FBXL4: variants seen among roughly 807,000 people sequenced by gnomAD.
FBXL4 encodes the protein F-box/LRR-repeat protein 4.
FBXL4 carries 40 observed loss-of-function variants against 58.9 expected under a neutral mutation model. The ratio of observed to expected loss-of-function variants is 0.68; its 90% CI spans 0.53 to 0.88. The LOEUF (loss-of-function observed/expected upper bound fraction) is 0.88. Among genes scored for constraint, FBXL4 ranks in the 40% least tolerant of loss-of-function variants. FBXL4 has a pLI of 0.00. For missense variants in FBXL4, 676 were observed against 734.4 expected, an observed-to-expected ratio of 0.92 and a Z score of 0.92; for synonymous variants, 263 against 265.5, an observed-to-expected ratio of 0.99 and a Z score of 0.09.
chr6:98,935,091 A>G (rs1424400957), intron 1 of FBXL4, among the ~76,000 whole-genome samples: 1 of 152,226 alleles, frequency 6.6e-6, no homozygotes, highest in Non-Finnish European at 1.5e-5. Flanking sequence ...ATCAGAAAAC[A>G]AGAGATAAGA....
chr6:98,926,403 T>C, intron 4 of FBXL4, 74 bp downstream of exon 4: 4 of 1,428,320 alleles, frequency 2.8e-6, no homozygotes, highest in Non-Finnish European at 3.8e-6. Flanking sequence ...ATGCTTGCAA[T>C]AAAAAAGATC....
intron 2 of FBXL4, among the ~76,000 whole-genome samples, chr6:98,933,329 CT>C (rs1331962515): frequency 1.3e-5 from 2 of 152,154 alleles, no homozygotes; most frequent in African/African-American, 4.8e-5. Context: ...TAAAGGAAGG[CT>C]GTCTTTTTGA....
chr6:98,898,417 G>C, intron 7 of FBXL4: 1 of 985,176 alleles, frequency 1.0e-6, no homozygotes, highest in South Asian at 4.7e-5. Flanking sequence ...CCATGCACAG[G>C]CTCATGGTGA....
At chr6:98,885,695 T>C (rs1459321108) in intron 7 of FBXL4, among the ~76,000 whole-genome samples, 1 of 152,230 alleles carries the variant, frequency 6.6e-6, no homozygotes, top group African/African-American at 2.4e-5. Context: ...AGACTACAAC[T>C]ACACTATCAG....
Position 98,888,088 on chromosome 6 carries a change from C to T in FBXL4, c.1318-7464G>A, listed in dbSNP as rs536872302. ...ATGTCAAAGCAAAGAGAATAAACTA[C>T]GGAGAAATTAACTCTTCATTTCCAG... On this transcript the variant is annotated intron_variant, in intron 7 of 9. Coordinates refer to ENST00000369244, the MANE Select transcript of FBXL4 (RefSeq NM_001278716.2). Among the ~76,000 whole-genome samples the T allele has an allele frequency of 1.3e-4, 20 of 152,330 alleles. No homozygotes were observed. The South Asian group carries it at 2.1e-3, about 16-fold the overall frequency.
chr6:98,898,399 G>T (rs1771481241), intron 7 of FBXL4: 1 of 985,276 alleles, frequency 1.0e-6, no homozygotes, highest in African/African-American at 1.7e-5. Flanking sequence ...TAGTAAGTAT[G>T]TGTAAAACCA....
intron 5 of FBXL4, among the ~76,000 whole-genome samples, chr6:98,909,363 C>T (rs1299905726): frequency 2.6e-5 from 4 of 152,128 alleles, no homozygotes; most frequent in African/African-American, 9.7e-5. Context: ...AGCCCTGAGC[C>T]TCCATCCAAT....
At chr6:98,915,456 T>A (rs1256254270) in intron 5 of FBXL4, among the ~76,000 whole-genome samples, 1 of 151,918 alleles carries the variant, frequency 6.6e-6, no homozygotes, top group African/African-American at 2.4e-5. Flanking sequence ...AGCATGGTAC[T>A]GGTACCAAAA....
At chr6:98,893,572 T>C (rs1771305920) in intron 7 of FBXL4, among the ~76,000 whole-genome samples, 1 of 152,088 alleles carries the variant, frequency 6.6e-6, no homozygotes, top group Non-Finnish European at 1.5e-5. Context: ...TACTGGGGGG[T>C]AGGACTTCAA....
chr6:98,920,252 C>A (rs1410792198), intron 4 of FBXL4, among the ~76,000 whole-genome samples: 1 of 152,180 alleles, frequency 6.6e-6, no homozygotes, highest in South Asian at 2.1e-4. Context: ...GCAAAACAGA[C>A]AGGGTTAAGA....
intron 5 of FBXL4, among the ~76,000 whole-genome samples, chr6:98,909,742 C>A (rs1180811425): frequency 6.6e-6 from 1 of 152,104 alleles, no homozygotes; most frequent in Non-Finnish European, 1.5e-5. Flanking sequence ...TCTCTCTCCC[C>A]AAACCCAGCT....
intron 5 of FBXL4, among the ~76,000 whole-genome samples, chr6:98,907,483 A>G (rs1771858242): frequency 6.6e-6 from 1 of 152,176 alleles, no homozygotes; most frequent in African/African-American, 2.4e-5. Flanking sequence ...AATTATTAAG[A>G]AGGCAGAATT....
intron 9 of FBXL4, chr6:98,875,127 G>C (rs1364524715): frequency 5.4e-6 from 2 of 371,598 alleles, no homozygotes; most frequent in Non-Finnish European, 9.8e-6. Context: ...AGAGAGCGCA[G>C]CTCATGTAAA....
chr6:98,893,353 G>A (rs568542575), intron 7 of FBXL4, among the ~76,000 whole-genome samples: 1 of 152,282 alleles, frequency 6.6e-6, no homozygotes, highest in South Asian at 2.1e-4. Flanking sequence ...GGTGTCAACA[G>A]AGTTGGTTTC....
At chr6:98,933,064 T>A (rs1023566181) in intron 2 of FBXL4, among the ~76,000 whole-genome samples, 2 of 152,206 alleles carry the variant, frequency 1.3e-5, no homozygotes, top group Non-Finnish European at 2.9e-5. Flanking sequence ...CATACTATTC[T>A]GAGGAAGGAC....
chr6:98,913,882 G>A (rs1772211140), intron 5 of FBXL4, among the ~76,000 whole-genome samples: 1 of 152,106 alleles, frequency 6.6e-6, no homozygotes, highest in South Asian at 2.1e-4. Flanking sequence ...CCAGAAGCTG[G>A]TTTTTTGAAA....
intron 7 of FBXL4, 61 bp downstream of exon 7, chr6:98,899,207 A>G: frequency 5.7e-6 from 9 of 1,589,206 alleles, no homozygotes; most frequent in Non-Finnish European, 7.7e-6. Context: ...GCAATTACAG[A>G]AAACCAAATC....
chr6:98,900,702 C>G (rs766743737), intron 6 of FBXL4, among the ~76,000 whole-genome samples: 4 of 152,174 alleles, frequency 2.6e-5, no homozygotes, highest in Non-Finnish European at 4.4e-5. Flanking sequence ...TTGGCCAATT[C>G]ACATTTAAAC....
At chr6:98,884,808 C>G (rs1160451676) in intron 7 of FBXL4, among the ~76,000 whole-genome samples, 1 of 151,814 alleles carries the variant, frequency 6.6e-6, no homozygotes, top group Non-Finnish European at 1.5e-5. Context: ...CCATTTTTTT[C>G]TTCAGTAACT....
Sources: gnomAD v4.1 joint callset for allele counts (sites outside exome capture counted in the v4.1 genomes callset) on GRCh38, gnomAD v4.1.1 for gene constraint, MANE v1.5 for transcripts, NCBI Gene and HGNC (gene_info 2026-07-23, HGNC 2026-07-21) for gene names.